Variants in CARS2 observed in about 807,000 individuals in gnomAD.
CARS2 encodes probable cysteine--tRNA ligase, mitochondrial.
Under a neutral mutation model 68.8 loss-of-function variants are expected in CARS2, and 52 were observed. That is an observed-to-expected ratio of 0.76 (90% CI 0.61 to 0.95). The LOEUF (loss-of-function observed/expected upper bound fraction) is 0.95, where lower values mean the gene tolerates loss of function less well. Among genes scored for constraint, CARS2 ranks in the 40% least tolerant of loss-of-function variants. CARS2 has a pLI of 0.00. For synonymous variants in CARS2, 314 were observed against 303.6 expected (o/e 1.03, Z -0.36); for missense variants, 780 against 754.2 (o/e 1.03, Z -0.40).
In CARS2 at chr13:110,669,278, G is replaced by A. The variant is rs575245319; in HGVS notation, c.786-1805C>T. Among the ~76,000 whole-genome samples the A allele has an allele frequency of 2.3e-3, 353 of 152,228 alleles. 3 individuals carry two copies. Among genetic ancestry groups the A allele is most frequent in the Non-Finnish European group, 2.5e-3 (171 of 68,012 alleles). The stretch of plus-strand genomic sequence containing the variant: ...CTGGTGGAATGGGGCGACCCTACTC[G>A]GCGCTGAATACTCAAGCTGTCTGGG... On this transcript the variant is annotated intron_variant, in intron 7 of 14. Transcript: ENST00000257347.
At chr13:110,642,673 A>G (rs1594202288) in intron 13 of CARS2, 152 bp from the exon 14 acceptor site, 2 of 813,520 alleles carry the variant, frequency 2.5e-6, no homozygotes, top group African/African-American at 1.7e-5. Context: ...TCTGGCAGGG[A>G]TGGGTACAGC....
At chr13:110,644,059 T>C (rs1325610884) in intron 13 of CARS2, 13 of 1,265,730 alleles carry the variant, frequency 1.0e-5, no homozygotes, top group Admixed American at 2.5e-5. Context: ...AAAAATGTTC[T>C]CTTACTGTGC....
rs1302154832 is a variant in CARS2, at chr13:110,642,306, G to C, written c.1623+9C>G. 3.9e-6 allele frequency: 6 copies of C among 1,546,456 alleles called. No homozygotes were observed. The highest frequency in any genetic ancestry group is 4.4e-6 in the Non-Finnish European group (5 of 1,144,156). The stretch of plus-strand genomic sequence containing the variant: ...GGGGTGATGTCCCTGACCTTGGTGC[G>C]GCACTCACCTTGATGTTGATGCCGT... On this transcript the variant is annotated intron_variant, in intron 14 of 14. Transcript: ENST00000257347.
Position 110,647,234 on chromosome 13 carries a change from C to G in CARS2, c.1060G>C (p.Asp354His). The G allele has an allele frequency of 1.2e-6, 2 of 1,612,394 alleles. No homozygotes were observed. Among genetic ancestry groups the G allele is most frequent in the Non-Finnish European group, 1.7e-6 (2 of 1,179,274 alleles). ...CLRSSYRSAI[D>H]YSDSAMLQAQ... is the part of the protein sequence containing the mutation. Reference sequence around the variant, plus strand: ...TGGAGCATGGCGCTGTCACTGTAGTCGATGGCTGAGGAGGAAGAGATGGTC... The same window carrying G: ...TGGAGCATGGCGCTGTCACTGTAGTGGATGGCTGAGGAGGAAGAGATGGTC... Residue 354 changes from aspartate to histidine, a missense_variant, in exon 11 of 15, where the codon GAC becomes CAC. Transcript: ENST00000257347.
chr13:110,660,597 T>A (rs2062476391), intron 9 of CARS2, among the ~76,000 whole-genome samples: 1 of 152,216 alleles, frequency 6.6e-6, no homozygotes, highest in Admixed American at 6.5e-5. Flanking sequence ...AGCTCCTGGA[T>A]GACCAGGTGC....
intron 3 of CARS2, chr13:110,697,854 C>T (rs2063668590): frequency 5.6e-5 from 24 of 429,864 alleles, no homozygotes; most frequent in South Asian, 4.0e-4. Flanking sequence ...TAAACAGCCC[C>T]ATGCGGTGGG....
intron 11 of CARS2, chr13:110,646,485 C>A (rs1002659510): frequency 2.7e-4 from 47 of 172,388 alleles, no homozygotes; most frequent in Middle Eastern, 2.7e-3. Flanking sequence ...CTCAGCCTCC[C>A]GTGGCCACTG....
intron 3 of CARS2, among the ~76,000 whole-genome samples, chr13:110,695,602 T>C (rs1031476496): frequency 2.6e-5 from 4 of 152,136 alleles, no homozygotes; most frequent in Non-Finnish European, 4.4e-5. Flanking sequence ...TGCAGGTGGA[T>C]GAACCTTGAG....
intron 5 of CARS2, among the ~76,000 whole-genome samples, chr13:110,686,623 C>A (rs2063311720): frequency 6.6e-6 from 1 of 151,458 alleles, no homozygotes; most frequent in African/African-American, 2.4e-5. Context: ...ATGGTGTGAT[C>A]TCGGCTCACT....
intron 5 of CARS2, among the ~76,000 whole-genome samples, chr13:110,684,927 T>G (rs4773236): frequency 0.99 from 150,287 of 152,256 alleles, 74,197 homozygotes; most frequent in Middle Eastern, 1. Context: ...TGGGGTTTGA[T>G]TGAATGTAAG....
intron 13 of CARS2, 130 bp from the exon 14 acceptor site, chr13:110,642,651 C>T: frequency 1.1e-6 from 1 of 915,502 alleles, no homozygotes; most frequent in South Asian, 1.3e-5. Context: ...TGCAGCTGGG[C>T]CTCTTTCTGG....
chr13:110,703,630 A>T (rs1425110534), intron 2 of CARS2, among the ~76,000 whole-genome samples: 3 of 152,266 alleles, frequency 2.0e-5, no homozygotes, highest in Non-Finnish European at 4.4e-5. Flanking sequence ...TTTCTTCCTC[A>T]GTCCTCTTCA....
Position 110,665,621 on chromosome 13 carries a change from G to GT in CARS2, c.919+1718dup. Reference sequence around the variant, plus strand: ...GGCTCACAGCAGGTCATGGTTGTCAGTAACAAACCCTGACCTACTGAACAG... The same window carrying GT: ...GGCTCACAGCAGGTCATGGTTGTCAGTTAACAAACCCTGACCTACTGAACAG... On this transcript the variant is annotated intron_variant, in intron 8 of 14. Coordinates refer to ENST00000257347, the MANE Select transcript of CARS2 (RefSeq NM_024537.4). The surrounding 1 kb of genome is among the most constrained non-coding windows in gnomAD (Gnocchi z 4.3). 1 of 985,440 alleles carries GT rather than the reference G, an allele frequency of 1.0e-6. No individual in the cohort carries two copies. The highest frequency in any genetic ancestry group is 1.2e-6 in the Non-Finnish European group (1 of 829,958). The allele number at this position is 985,440 out of a possible 1,614,324, so 61.0% of individuals were successfully genotyped here.
chr13:110,670,243 C>T lies in CARS2; in HGVS notation c.786-2770G>A, dbSNP rs555351955. The stretch of plus-strand genomic sequence containing the variant: ...CAGCACGGAGTTTGAGATCTGAGAA[C>T]GGACAGACTGCCTCCTCAAGTGGGT... On this transcript the variant is annotated intron_variant, in intron 7 of 14. Transcript: ENST00000257347. This position sits in a 1 kb window ranked among gnomAD's most constrained non-coding sequence, Gnocchi z 4.1. 6.6e-5 allele frequency among the ~76,000 whole-genome samples: 10 copies of T among 152,306 alleles called. No individual in the cohort carries two copies. In the East Asian group the frequency reaches 1.2e-3, roughly 18 times the overall value.
chr13:110,689,018 C>T (rs776332829), intron 3 of CARS2: 1 of 154,238 alleles, frequency 6.5e-6, no homozygotes, highest in African/African-American at 2.4e-5. Flanking sequence ...CCTCGGGTCC[C>T]ATGGCTGGGT....
At chr13:110,645,478 AGCCTGC>A (rs1187462772) in intron 12 of CARS2, 2 of 152,442 alleles carry the variant, frequency 1.3e-5, no homozygotes, top group Non-Finnish European at 2.9e-5. Flanking sequence ...CAGGAACCAA[AGCCTGC>A]CGCCGCCTTC....
chr13:110,662,283 G>A (rs1471593070), intron 9 of CARS2, among the ~76,000 whole-genome samples: 2 of 111,402 alleles, frequency 1.8e-5, no homozygotes, highest in South Asian at 2.7e-4. Flanking sequence ...GCCGGGCTCC[G>A]ACCCCCCTCT....
At chr13:110,655,808 C>A (rs2062350372) in intron 9 of CARS2, among the ~76,000 whole-genome samples, 2 of 152,196 alleles carry the variant, frequency 1.3e-5, no homozygotes, top group South Asian at 4.1e-4. Context: ...TACGACACTG[C>A]CTCATGAATG....
rs1314930429 is a variant in CARS2 at position 110,677,220 on chromosome 13, A to C, written c.656-117T>G. ...AGTCACCCCCACCATGGAAACACAGAAAATCACCCCAACATGGAAACCCAG... is the reference window on the plus strand; with the variant it reads ...AGTCACCCCCACCATGGAAACACAGCAAATCACCCCAACATGGAAACCCAG... On this transcript the variant is annotated intron_variant, in intron 6 of 14. Transcript: ENST00000257347. The C allele has an allele frequency of 7.1e-5, 69 of 967,400 alleles. No individual in the cohort carries two copies. The African/African-American group carries it at 1.3e-3, about 18-fold the overall frequency. The allele number at this position is 967,400 out of a possible 1,614,324, so 59.9% of individuals were successfully genotyped here.
Sources: gnomAD v4.1 joint callset for allele counts (sites outside exome capture counted in the v4.1 genomes callset) on GRCh38, gnomAD v4.1.1 for gene constraint, Gnocchi (gnomAD v3.1) non-coding constraint, MANE v1.5 for transcripts, NCBI Gene and HGNC (gene_info 2026-07-23, HGNC 2026-07-21) for gene names.